The following ICA1L variants were observed in gnomAD, a reference collection of about 807,000 sequenced individuals.
ICA1L encodes the protein islet cell autoantigen 1-like protein.
ICA1L carries 50 observed loss-of-function variants against 61.3 expected under a neutral mutation model. That is an observed-to-expected ratio of 0.82 (90% CI 0.65 to 1.03). The LOEUF is 1.03. Among genes scored for constraint, ICA1L ranks in the 50% least tolerant of loss-of-function variants. ICA1L has a pLI of 0.00. For missense variants in ICA1L, 508 were observed against 556.7 expected (o/e 0.91, Z 0.88); for synonymous variants, 161 against 191.3 (o/e 0.84, Z 1.31).
intron 6 of ICA1L, 48 bp downstream of exon 6, chr2:202,817,370 C>T (rs750602338): frequency 2.0e-6 from 3 of 1,476,846 alleles, no homozygotes; most frequent in South Asian, 1.4e-5. Context: ...AAAGAAATCT[C>T]ACCACTCATC....
At chr2:202,800,412 A>G (rs924366628) in intron 9 of ICA1L, among the ~76,000 whole-genome samples, 4 of 152,206 alleles carry the variant, frequency 2.6e-5, no homozygotes, top group Non-Finnish European at 5.9e-5. Context: ...GCAAAACTCT[A>G]CTAAAAAATT....
At chr2:202,791,044 A>G (rs1692733113) in intron 10 of ICA1L, among the ~76,000 whole-genome samples, 1 of 152,244 alleles carries the variant, frequency 6.6e-6, no homozygotes, top group African/African-American at 2.4e-5. Context: ...GTAAAAGGCA[A>G]CTGGAGAAGT....
intron 9 of ICA1L, among the ~76,000 whole-genome samples, chr2:202,810,296 C>G (rs531639255): frequency 6.6e-6 from 1 of 152,316 alleles, no homozygotes; most frequent in South Asian, 2.1e-4. Context: ...AACAGAGGGA[C>G]CGGCTGAAGC....
At chr2:202,845,286 T>A (rs1694436250) in intron 1 of ICA1L, among the ~76,000 whole-genome samples, 1 of 152,152 alleles carries the variant, frequency 6.6e-6, no homozygotes, top group African/African-American at 2.4e-5. Flanking sequence ...CTCTATCAGT[T>A]TTCACTCTTA....
rs376262549 is a variant in ICA1L at position 202,776,020 on chromosome 2, T to C, written c.*3513A>G. 6.6e-5 allele frequency: 10 copies of C among 152,178 alleles called. No individual in the cohort carries two copies. In the South Asian group the frequency reaches 1.0e-3, roughly 16 times the overall value. 9.4% of individuals were successfully genotyped at this position (152,178 alleles called of 1,614,324 possible). On this transcript the variant is annotated 3_prime_UTR_variant, in exon 13 of 13. Coordinates refer to ENST00000358299, the MANE Select transcript of ICA1L (RefSeq NM_001288622.3). ...ATTAAAAGAGGCTCAGAAAAATAGA[T>C]AGAGCACATGTAAACTTCCTTCGTT...
intron 9 of ICA1L, among the ~76,000 whole-genome samples, chr2:202,805,737 A>T (rs867189821): frequency 1.3e-5 from 2 of 152,228 alleles, no homozygotes; most frequent in African/African-American, 4.8e-5. Context: ...TAATCAAGAA[A>T]AAAGGGAGAA....
chr2:202,841,784 T>C (rs1191077009), intron 1 of ICA1L: 1 of 414,996 alleles, frequency 2.4e-6, no homozygotes. Context: ...ATGGACATGG[T>C]TGATGCAGGA....
rs1485999200 is a variant in ICA1L, at chr2:202,779,442, G to T, written c.*91C>A. The T allele has an allele frequency of 1.1e-5, 8 of 727,858 alleles. No homozygotes were observed. The highest frequency in any genetic ancestry group is 1.8e-5 in the Non-Finnish European group (8 of 438,732). The allele number at this position is 727,858 out of a possible 1,614,324, so 45.1% of individuals were successfully genotyped here. On this transcript the variant is annotated 3_prime_UTR_variant, in exon 13 of 13. Transcript: ENST00000358299. ...TTATATTCACAAACACCGTGCTTTT[G>T]TGTGCGGGTTACAATCTAAATCCTT...
At chr2:202,842,532 G>C (rs1694361418) in intron 1 of ICA1L, among the ~76,000 whole-genome samples, 1 of 152,134 alleles carries the variant, frequency 6.6e-6, no homozygotes, top group Non-Finnish European at 1.5e-5. Context: ...TAGCCTTATT[G>C]GAACTCCTTT....
chr2:202,855,804 G>A (rs575131207), intron 1 of ICA1L, among the ~76,000 whole-genome samples: 3 of 152,142 alleles, frequency 2.0e-5, no homozygotes, highest in South Asian at 4.2e-4. Flanking sequence ...GGCTGGGCGC[G>A]GTGGCTCACC....
chr2:202,815,876 T>C (rs914220685), intron 7 of ICA1L, 35 bp downstream of exon 7: 1 of 1,231,312 alleles, frequency 8.1e-7, no homozygotes, highest in Non-Finnish European at 1.1e-6. Flanking sequence ...TGAAGAGTAA[T>C]ACATCTAAAC....
Position 202,843,481 on chromosome 2 carries a change from AT to A in ICA1L, c.-7-14466del, listed in dbSNP as rs200438238. Among the ~76,000 whole-genome samples, 28 of 151,908 alleles carry A rather than the reference AT, an allele frequency of 1.8e-4. No homozygotes were observed. The East Asian group carries it at 2.9e-3, about 16-fold the overall frequency. ...ATGACTGCTAAGATCACCCCAATCT[AT>A]TTTTTTTCCCATCAGAGAAGCTATG... On this transcript the variant is annotated intron_variant, in intron 1 of 12. Transcript: ENST00000358299.
chr2:202,803,949 A>G (rs1693158227), intron 9 of ICA1L, among the ~76,000 whole-genome samples: 1 of 152,234 alleles, frequency 6.6e-6, no homozygotes, highest in South Asian at 2.1e-4. Context: ...TTTCTTCTTC[A>G]AATTTTCCTT....
rs770084448 is a variant in ICA1L at position 202,788,814 on chromosome 2, T to G, written c.1243+16A>C. 9.3e-6 allele frequency: 15 copies of G among 1,613,352 alleles called. No individual in the cohort carries two copies. Among genetic ancestry groups the G allele is most frequent in the African/African-American group, 4.0e-5 (3 of 74,866 alleles). ...AAAGTAAAGCACATATGTCCAAATG[T>G]TTCATAGACACTTACTGTTGAACGC... On this transcript the variant is annotated intron_variant, in intron 11 of 12. Coordinates refer to ENST00000358299, the MANE Select transcript of ICA1L (RefSeq NM_001288622.3).
At chr2:202,843,747 G>A (rs1418095347) in intron 1 of ICA1L, among the ~76,000 whole-genome samples, 1 of 152,226 alleles carries the variant, frequency 6.6e-6, no homozygotes, top group Non-Finnish European at 1.5e-5. Flanking sequence ...CAGCATTAGA[G>A]TAGCTCTAGG....
Position 202,773,884 on chromosome 2 carries a change from CTAAA to C in ICA1L, c.*5645_*5648del. Reference sequence around the variant, plus strand: ...ACAGAGGCTGAGTGGAACAGTCCTGCTAAATAAACCAGTGGAATAAGAACAGTCA... The same window carrying C: ...ACAGAGGCTGAGTGGAACAGTCCTGCTAAACCAGTGGAATAAGAACAGTCA... On this transcript the variant is annotated 3_prime_UTR_variant, in exon 13 of 13. Coordinates refer to ENST00000358299, the MANE Select transcript of ICA1L (RefSeq NM_001288622.3). The C allele has an allele frequency of 7.8e-7, 1 of 1,282,110 alleles. No homozygotes were observed. The highest frequency in any genetic ancestry group is 1.1e-6 in the Non-Finnish European group (1 of 883,712). 79.4% of individuals were successfully genotyped at this position (1,282,110 alleles called of 1,614,324 possible).
chr2:202,807,286 GGAGA>G (rs1693253409), intron 9 of ICA1L, among the ~76,000 whole-genome samples: 1 of 152,218 alleles, frequency 6.6e-6, no homozygotes, highest in African/African-American at 2.4e-5. Flanking sequence ...CACATGGTGT[GGAGA>G]GAGAATCTGT....
In ICA1L at chr2:202,788,988, C is replaced by T; in HGVS notation, c.1085G>A (p.Ser362Asn). 1.9e-6 allele frequency: 3 copies of T among 1,614,084 alleles called. No individual in the cohort carries two copies. Among genetic ancestry groups the T allele is most frequent in the Non-Finnish European group, 1.7e-6 (2 of 1,180,006 alleles). ...AGTCTGGCATTCTTGGGTAAATTCA[C>T]TAGTACTTGAAGAACCAGAACTTAG... is the stretch of plus-strand genomic sequence containing the variant. ...NLLSSGSSST[S>N]EFTQECQTAF... is the part of the protein sequence containing the mutation. Residue 362 changes from serine (S) to asparagine (N), a missense_variant, in exon 11 of 13, where the codon AGT becomes AAT. Coordinates refer to ENST00000358299, the MANE Select transcript of ICA1L (RefSeq NM_001288622.3).
At chr2:202,826,599 G>A (rs746175533) in intron 2 of ICA1L, among the ~76,000 whole-genome samples, 5 of 152,144 alleles carry the variant, frequency 3.3e-5, no homozygotes, top group Non-Finnish European at 7.3e-5. Flanking sequence ...AACCTCCTGA[G>A]TAGCTGGGAT....
Sources: gnomAD v4.1 joint callset for allele counts (sites outside exome capture counted in the v4.1 genomes callset) on GRCh38, gnomAD v4.1.1 for gene constraint, MANE v1.5 for transcripts, NCBI Gene and HGNC (gene_info 2026-07-23, HGNC 2026-07-21) for gene names.